RPS6KB1: variants seen among roughly 807,000 people sequenced by gnomAD.
RPS6KB1 encodes the protein ribosomal protein S6 kinase beta-1.
In RPS6KB1, 12 loss-of-function variants were observed where a neutral mutation model predicts 70.2. The ratio of observed to expected loss-of-function variants is 0.17; its 90% CI spans 0.11 to 0.28. RPS6KB1 has a LOEUF of 0.28. Among genes scored for constraint, RPS6KB1 ranks in the 10% least tolerant of loss-of-function variants. The pLI is 1.00. For missense variants in RPS6KB1, 270 were observed against 646.6 expected (o/e 0.42, Z 6.32); for synonymous variants, 175 against 211.2 (o/e 0.83, Z 1.49).
intron 1 of RPS6KB1, among the ~76,000 whole-genome samples, chr17:59,903,378 A>G (rs1160092835): frequency 1.3e-5 from 2 of 151,868 alleles, no homozygotes; most frequent in East Asian, 3.9e-4. Flanking sequence ...GGGAGGCTGA[A>G]GTGGGAGGAT....
rs1332846171 is a variant in RPS6KB1, at chr17:59,936,240, G to A, written c.1004G>A (p.Arg335His). The A allele has an allele frequency of 1.3e-6, 2 of 1,598,004 alleles. No homozygotes were observed. The highest frequency in any genetic ancestry group is 1.1e-5 in the South Asian group (1 of 87,240). The change falls in exon 11 of 15, where the codon CGT (arginine) becomes CAT (histidine). Residue 335 changes from arginine (R) to histidine (H), a missense_variant. Transcript: ENST00000225577. ...KKLLKRNAAS[R>H]LGAGPGDAGE... ...CTGCTGAAAAGAAATGCTGCTTCTC[G>A]TCTGGGAGCTGGTCCTGGGGACGCT...
rs1380179584 is a variant in RPS6KB1, at chr17:59,946,298, T to C, written c.1341-253T>C. Among the ~76,000 whole-genome samples, 1 of 152,142 alleles carries C rather than the reference T, an allele frequency of 6.6e-6. No homozygotes were observed. The highest frequency in any genetic ancestry group is 1.5e-5 in the Non-Finnish European group (1 of 68,026). On this transcript the variant is annotated intron_variant, in intron 14 of 14. Transcript: ENST00000225577. The surrounding 1 kb of genome is among the most constrained non-coding windows in gnomAD (Gnocchi z 4.2). ...AGTAAAATGATATATATAATACGCATTTAAATGTATATATATCTCATTGAG... is the reference window on the plus strand; with the variant it reads ...AGTAAAATGATATATATAATACGCACTTAAATGTATATATATCTCATTGAG...
chr17:59,935,113 A>G lies in RPS6KB1; in HGVS notation c.871-80A>G, dbSNP rs554504336. The stretch of plus-strand genomic sequence containing the variant: ...TGTATAACTAATTTAGGAAATGGAT[A>G]ATATTATTCAAAATTTGTTTCTTAT... On this transcript the variant is annotated intron_variant, in intron 9 of 14. Transcript: ENST00000225577. 20 of 773,514 alleles carry G rather than the reference A, an allele frequency of 2.6e-5. No homozygotes were observed. In the African/African-American group the frequency reaches 2.8e-4, roughly 11 times the overall value. The allele number at this position is 773,514 out of a possible 1,614,324, so 47.9% of individuals were successfully genotyped here. A position where few individuals can be genotyped will look rare whatever the true frequency, so the allele number is the denominator to read the frequency against.
At chr17:59,912,507 G>C (rs1034632014) in intron 2 of RPS6KB1, 177 bp from the exon 3 acceptor site, 51 of 538,816 alleles carry the variant, frequency 9.5e-5, no homozygotes, top group Non-Finnish European at 3.3e-5. Context: ...ACGATTATCA[G>C]GCCACCCTCC....
At chr17:59,933,522 T>C (rs2044065055) in intron 7 of RPS6KB1, among the ~76,000 whole-genome samples, 1 of 152,258 alleles carries the variant, frequency 6.6e-6, no homozygotes, top group Non-Finnish European at 1.5e-5. Context: ...CCTGAGATTG[T>C]TGAACCACTT....
intron 1 of RPS6KB1, among the ~76,000 whole-genome samples, chr17:59,904,372 C>T (rs1426326741): frequency 1.3e-5 from 2 of 151,488 alleles, no homozygotes; most frequent in South Asian, 2.1e-4. Context: ...AGCCACTGCG[C>T]ACAGCCCGGA....
intron 14 of RPS6KB1, 76 bp downstream of exon 14, chr17:59,945,594 CA>C: frequency 1.3e-6 from 1 of 758,728 alleles, no homozygotes; most frequent in Non-Finnish European, 2.3e-6. Flanking sequence ...AAGTTTATGC[CA>C]AGTTATATAA....
Position 59,893,223 on chromosome 17 carries a change from C to T in RPS6KB1, c.39C>T (p.Ala13=). The T allele has an allele frequency of 6.2e-7, 1 of 1,611,396 alleles. No homozygotes were observed. Residue 13 remains alanine (A), a synonymous_variant, in exon 1 of 15, where the codon GCC becomes GCT. Transcript: ENST00000225577. This position sits in a 1 kb window ranked among gnomAD's most constrained non-coding sequence, Gnocchi z 4.1. ...RRRRRDGFYP[A]PDFRDREAED... is the part of the protein sequence containing the mutation. Reference sequence around the variant, plus strand: ...GGAGGCGGGACGGCTTTTACCCAGCCCCGGACTTCCGAGACAGGGAAGCTG... The same window carrying T: ...GGAGGCGGGACGGCTTTTACCCAGCTCCGGACTTCCGAGACAGGGAAGCTG...
In RPS6KB1 at chr17:59,946,303, A is replaced by T. The variant is rs572023913; in HGVS notation, c.1341-248A>T. 2.0e-5 allele frequency among the ~76,000 whole-genome samples: 3 copies of T among 152,168 alleles called. No individual in the cohort carries two copies. Among genetic ancestry groups the T allele is most frequent in the Non-Finnish European group, 4.4e-5 (3 of 68,026 alleles). ...AATGATATATATAATACGCATTTAA[A>T]TGTATATATATCTCATTGAGGGTTT... On this transcript the variant is annotated intron_variant, in intron 14 of 14. Coordinates refer to ENST00000225577, the MANE Select transcript of RPS6KB1 (RefSeq NM_003161.4). The surrounding 1 kb of genome is among the most constrained non-coding windows in gnomAD (Gnocchi z 4.2).
At chr17:59,933,988 T>A (rs558756945) in intron 7 of RPS6KB1, among the ~76,000 whole-genome samples, 182 bp from the exon 8 acceptor site, 3 of 152,348 alleles carry the variant, frequency 2.0e-5, no homozygotes, top group Non-Finnish European at 4.4e-5. Flanking sequence ...AAGGTGACTT[T>A]GCCCTAGCCT....
Position 59,893,407 on chromosome 17 carries a change from G to C in RPS6KB1, c.141+82G>C. On this transcript the variant is annotated intron_variant, in intron 1 of 14. Transcript: ENST00000225577. This position sits in a 1 kb window ranked among gnomAD's most constrained non-coding sequence, Gnocchi z 4.1. Reference sequence around the variant, plus strand: ...CTCAGGAAGCGCGGTGTGTCCTAGAGCGTGGAGACCCAGGGGGGCTCCTGA... The same window carrying C: ...CTCAGGAAGCGCGGTGTGTCCTAGACCGTGGAGACCCAGGGGGGCTCCTGA... 3 of 1,412,224 alleles carry C rather than the reference G, an allele frequency of 2.1e-6. No individual in the cohort carries two copies. The highest frequency in any genetic ancestry group is 4.3e-5 in the Admixed American group (2 of 46,476). The allele number at this position is 1,412,224 out of a possible 1,614,324, so 87.5% of individuals were successfully genotyped here. A position where few individuals can be genotyped will look rare whatever the true frequency, so the allele number is the denominator to read the frequency against.
chr17:59,910,079 C>T (rs2042542970), intron 1 of RPS6KB1, among the ~76,000 whole-genome samples: 1 of 151,388 alleles, frequency 6.6e-6, no homozygotes, highest in African/African-American at 2.4e-5. Context: ...CCCAGCTACT[C>T]AGGAGGCTGA....
chr17:59,935,537 C>G (rs1296784780), intron 10 of RPS6KB1, among the ~76,000 whole-genome samples: 1 of 151,350 alleles, frequency 6.6e-6, no homozygotes. Flanking sequence ...TGCAGTGGTG[C>G]GATCTTGGCT....
In RPS6KB1 at chr17:59,899,212, A is replaced by G. The variant is rs192718522; in HGVS notation, c.141+5887A>G. On this transcript the variant is annotated intron_variant, in intron 1 of 14. Coordinates refer to ENST00000225577, the MANE Select transcript of RPS6KB1 (RefSeq NM_003161.4). The stretch of plus-strand genomic sequence containing the variant: ...AGAGCAAGACTTCGTCTCAGAAAAA[A>G]AAAAAAAAGGAGTAAAGAGTTTCCT... Among the ~76,000 whole-genome samples the G allele has an allele frequency of 4.1e-4, 63 of 152,122 alleles. 1 individual carries two copies. In the East Asian group the frequency reaches 0.011, roughly 26 times the overall value.
At position 59,939,602 on chromosome 17, in the gene RPS6KB1, A is replaced by G. The variant is rs201413050; in HGVS notation, c.1120-1234A>G. On this transcript the variant is annotated intron_variant, in intron 12 of 14. Transcript: ENST00000225577. ...TAGCAGTTATTTTTATTGATGCTCA[A>G]TTTTTCCCTTCGTTGAATGCTGGTG... Among the ~76,000 whole-genome samples the G allele has an allele frequency of 6.2e-4, 95 of 152,286 alleles. No individual in the cohort carries two copies. The East Asian group carries it at 0.015, about 24-fold the overall frequency.
Position 59,948,044 on chromosome 17 carries a change from T to C in RPS6KB1, c.*1256T>C, listed in dbSNP as rs1262855470. The C allele has an allele frequency of 6.4e-6, 1 of 155,552 alleles. No homozygotes were observed. The highest frequency in any genetic ancestry group is 1.4e-5 in the Non-Finnish European group (1 of 70,110). The allele number at this position is 155,552 out of a possible 1,614,324, so 9.6% of individuals were successfully genotyped here. A position where few individuals can be genotyped will look rare whatever the true frequency, so the allele number is the denominator to read the frequency against. On this transcript the variant is annotated 3_prime_UTR_variant, in exon 15 of 15. Coordinates refer to ENST00000225577, the MANE Select transcript of RPS6KB1 (RefSeq NM_003161.4). ...ATATTTGATGGCCTTTTGATGAATG[T>C]CTTCCACAGTAAAGAAAACTTAGTG...
In RPS6KB1 at chr17:59,949,041, A is replaced by G. The variant is rs1341579985; in HGVS notation, c.*2253A>G. The G allele has an allele frequency of 6.6e-6, 1 of 152,640 alleles. No homozygotes were observed. The highest frequency in any genetic ancestry group is 1.5e-5 in the Non-Finnish European group (1 of 68,016). 9.5% of individuals were successfully genotyped at this position (152,640 alleles called of 1,614,324 possible). A position where few individuals can be genotyped will look rare whatever the true frequency, so the allele number is the denominator to read the frequency against. ...TTGGCTGGCTATAACCACCCCAGTT[A>G]AACCATTTTCATAATTAGTAGTGCC... On this transcript the variant is annotated 3_prime_UTR_variant, in exon 15 of 15. Coordinates refer to ENST00000225577, the MANE Select transcript of RPS6KB1 (RefSeq NM_003161.4).
rs1465481314 is a variant in RPS6KB1 at position 59,934,099 on chromosome 17, T to C, written c.689-71T>C. The C allele has an allele frequency of 4.1e-6, 4 of 987,154 alleles. No individual in the cohort carries two copies. The highest frequency in any genetic ancestry group is 1.6e-5 in the African/African-American group (1 of 62,400). The allele number at this position is 987,154 out of a possible 1,614,324, so 61.1% of individuals were successfully genotyped here. A position where few individuals can be genotyped will look rare whatever the true frequency, so the allele number is the denominator to read the frequency against. On this transcript the variant is annotated intron_variant, in intron 7 of 14. Coordinates refer to ENST00000225577, the MANE Select transcript of RPS6KB1 (RefSeq NM_003161.4). This position sits in a 1 kb window ranked among gnomAD's most constrained non-coding sequence, Gnocchi z 4.8. ...TAAATGGAAGGATAGATTAAAGTATTATGTGACATGTTCAAACACTGCACA... is the reference window on the plus strand; with the variant it reads ...TAAATGGAAGGATAGATTAAAGTATCATGTGACATGTTCAAACACTGCACA...
chr17:59,901,867 A>G (rs2144695513), intron 1 of RPS6KB1, among the ~76,000 whole-genome samples: 1 of 151,670 alleles, frequency 6.6e-6, no homozygotes, highest in Admixed American at 6.6e-5. Flanking sequence ...AAAATAGAAA[A>G]AAATTATCCG....
Sources: allele counts gnomAD v4.1 joint callset (sites outside exome capture counted in the v4.1 genomes callset), GRCh38; gene constraint gnomAD v4.1.1; non-coding constraint Gnocchi (gnomAD v3.1); transcripts MANE v1.5; gene names NCBI Gene and HGNC (gene_info 2026-07-23, HGNC 2026-07-21).